Variants in HDAC9 observed in about 807,000 individuals in gnomAD.
The protein encoded by HDAC9 is histone deacetylase 9, also known as MEF-2 interacting transcription repressor (MITR) protein.
In HDAC9, 41 loss-of-function variants were observed where a neutral mutation model predicts 139.4. That is an observed-to-expected ratio of 0.29 (90% confidence interval 0.23 to 0.38). The LOEUF is 0.38. Among genes scored for constraint, HDAC9 ranks in the 10% least tolerant of loss-of-function variants. The probability of loss-of-function intolerance (pLI) is 1.00; values close to 1 mark genes in which losing one functional copy is unlikely to be tolerated. For synonymous variants in HDAC9, 517 were observed against 476.2 expected, an observed-to-expected ratio of 1.09 and a Z score of -1.12; for missense variants, 1,147 against 1,297.0, an observed-to-expected ratio of 0.88 and a Z score of 1.78.
intron 2 of HDAC9, among the ~76,000 whole-genome samples, chr7:18,269,273 A>G (rs1796198202): frequency 6.6e-6 from 1 of 152,234 alleles, no homozygotes; most frequent in Non-Finnish European, 1.5e-5. Flanking sequence ...TTCCTCAACC[A>G]GGAATTCTAG....
At chr7:18,551,617 G>A (rs559349395) in intron 2 of HDAC9, among the ~76,000 whole-genome samples, 1 of 152,288 alleles carries the variant, frequency 6.6e-6, no homozygotes, top group South Asian at 2.1e-4. Context: ...CAGTGCAAAT[G>A]TGTATGATGT....
chr7:18,935,917 G>A lies in HDAC9; in HGVS notation c.2912G>A (p.Cys971Tyr), dbSNP rs747316052. Reference protein sequence around the residue: ...LTAICDASEACVNALLGNELE... With the variant: ...LTAICDASEAYVNALLGNELE... ...GCCATCTGTGATGCATCAGAAGCCT[G>A]TGTAAATGCCCTTCTAGGAAATGAG... The change falls in exon 23 of 26, where the codon TGT becomes TAT. Residue 971 changes from cysteine to tyrosine, a missense_variant. Physicochemically the swap from Cys to Tyr is radical, Grantham distance 194 (BLOSUM62 -2). Transcript: ENST00000686413. 6.2e-7 allele frequency: 1 copy of A among 1,613,528 alleles called. No individual in the cohort carries two copies.
intron 6 of HDAC9, among the ~76,000 whole-genome samples, chr7:18,624,208 T>C (rs1228579379): frequency 6.6e-6 from 1 of 152,184 alleles, no homozygotes; most frequent in African/African-American, 2.4e-5. Context: ...TTTATTCTCA[T>C]ACCTGCCACC....
In HDAC9 at chr7:18,896,371, A is replaced by C. The variant is rs188153094; in HGVS notation, c.2803+21775A>C. On this transcript the variant is annotated intron_variant, in intron 22 of 25. Transcript: ENST00000686413. ...TTACAGTAACTTTTAAGAAACACTC[A>C]ATTTGGTCAGGCAGGATTCATTCAC... 1.3e-4 allele frequency among the ~76,000 whole-genome samples: 20 copies of C among 152,220 alleles called. No individual in the cohort carries two copies. The East Asian group carries it at 3.3e-3, about 25-fold the overall frequency.
chr7:18,137,278 T>C (rs1427562048), intron 1 of HDAC9, among the ~76,000 whole-genome samples: 2 of 137,874 alleles, frequency 1.5e-5, no homozygotes, highest in Non-Finnish European at 3.1e-5. Context: ...CCTCTTTTCC[T>C]AATTGAATAC....
intron 1 of HDAC9, among the ~76,000 whole-genome samples, chr7:18,335,757 C>T (rs760189805): frequency 3.3e-5 from 5 of 151,474 alleles, no homozygotes; most frequent in Non-Finnish European, 5.9e-5. Flanking sequence ...CCCTGCTATA[C>T]CTGGGGTGGT....
At chr7:18,461,965 A>G (rs1793886326) in intron 1 of HDAC9, among the ~76,000 whole-genome samples, 1 of 152,138 alleles carries the variant, frequency 6.6e-6, no homozygotes, top group South Asian at 2.1e-4. Context: ...GAGAAAACAG[A>G]GGCCTGGAGA....
At chr7:18,519,903 A>G (rs997692682) in intron 2 of HDAC9, among the ~76,000 whole-genome samples, 7 of 152,168 alleles carry the variant, frequency 4.6e-5, no homozygotes, top group Non-Finnish European at 7.4e-5. Flanking sequence ...TTATTAAGTA[A>G]TGTCTGAAGA....
intron 11 of HDAC9, among the ~76,000 whole-genome samples, chr7:18,659,927 A>G (rs1562794672): frequency 6.6e-6 from 1 of 152,164 alleles, no homozygotes; most frequent in Non-Finnish European, 1.5e-5. Context: ...CACCCCACTG[A>G]GAGTAAGCAG....
At chr7:18,123,831 T>TA (rs1784499559) in intron 1 of HDAC9, among the ~76,000 whole-genome samples, 1 of 152,204 alleles carries the variant, frequency 6.6e-6, no homozygotes, top group South Asian at 2.1e-4. Flanking sequence ...ACAGGCAGTT[T>TA]AAGCAGTGGT....
intron 14 of HDAC9, among the ~76,000 whole-genome samples, chr7:18,755,661 T>G (rs1054998404): frequency 2.6e-5 from 4 of 152,148 alleles, no homozygotes; most frequent in Non-Finnish European, 4.4e-5. Context: ...ATTTTTTTCT[T>G]GCTTTCTGGT....
chr7:18,773,184 G>A (rs1343179259), intron 16 of HDAC9, among the ~76,000 whole-genome samples: 1 of 151,830 alleles, frequency 6.6e-6, no homozygotes, highest in Non-Finnish European at 1.5e-5. Flanking sequence ...TAAGTACAAC[G>A]AGATGCATTT....
intron 2 of HDAC9, among the ~76,000 whole-genome samples, chr7:18,573,161 C>T (rs977760787): frequency 1.3e-5 from 2 of 152,116 alleles, no homozygotes; most frequent in Admixed American, 1.3e-4. Context: ...TTCATTTATG[C>T]CATGTAGTAG....
At chr7:18,507,439 C>G (rs1004919484) in intron 2 of HDAC9, among the ~76,000 whole-genome samples, 4 of 151,606 alleles carry the variant, frequency 2.6e-5, no homozygotes, top group Non-Finnish European at 4.4e-5. Context: ...GTGATCCGCC[C>G]GCCTCGGCCT....
chr7:18,910,863 G>A (rs1209805992), intron 22 of HDAC9, among the ~76,000 whole-genome samples: 1 of 151,762 alleles, frequency 6.6e-6, no homozygotes, highest in African/African-American at 2.4e-5. Flanking sequence ...CTTTGTTGAG[G>A]ATTTTTTTGC....
chr7:18,817,844 C>G (rs1794686621), intron 17 of HDAC9, among the ~76,000 whole-genome samples: 1 of 152,078 alleles, frequency 6.6e-6, no homozygotes, highest in African/African-American at 2.4e-5. Flanking sequence ...TGCCTATGCA[C>G]AAATATATTT....
At chr7:18,624,395 A>G (rs1052330150) in intron 6 of HDAC9, among the ~76,000 whole-genome samples, 4 of 152,198 alleles carry the variant, frequency 2.6e-5, no homozygotes, top group African/African-American at 9.7e-5. Flanking sequence ...TTTTCACTTA[A>G]ATAATGATAG....
chr7:18,098,511 C>A (rs1201104257), intron 1 of HDAC9, among the ~76,000 whole-genome samples: 2 of 152,172 alleles, frequency 1.3e-5, no homozygotes, highest in Non-Finnish European at 2.9e-5. Context: ...AGCATGGAAG[C>A]TTGCCTTTTG....
chr7:18,638,392 G>GA (rs1252531911), intron 8 of HDAC9, among the ~76,000 whole-genome samples: 1 of 152,062 alleles, frequency 6.6e-6, no homozygotes, highest in African/African-American at 2.4e-5. Context: ...AGTAGGAGGA[G>GA]AATTTACTCA....
Sources: allele counts gnomAD v4.1 joint callset (sites outside exome capture counted in the v4.1 genomes callset), GRCh38; gene constraint gnomAD v4.1.1; transcripts MANE v1.5; gene names NCBI Gene and HGNC (gene_info 2026-07-23, HGNC 2026-07-21).